Variants in KIAA1328 observed in about 807,000 individuals in gnomAD.
KIAA1328 encodes protein hinderin.
KIAA1328 carries 52 observed loss-of-function variants against 68.1 expected under a neutral mutation model. The ratio of observed to expected loss-of-function variants is 0.76; its 90% CI spans 0.61 to 0.96. KIAA1328 has a LOEUF of 0.96. Ranked by LOEUF, KIAA1328 falls within the 40% of genes least tolerant of loss-of-function variation. The pLI is 0.00. For synonymous variants in KIAA1328, 232 were observed against 239.4 expected (o/e 0.97, Z 0.28); for missense variants, 641 against 677.6 (o/e 0.95, Z 0.60).
intron 5 of KIAA1328, among the ~76,000 whole-genome samples, chr18:36,940,634 T>A (rs4799895): frequency 1 from 151,035 of 151,786 alleles, 75,147 homozygotes; most frequent in East Asian, 1. Context: ...AAGCCTATAA[T>A]AAGCTGCATT....
chr18:37,220,087 G>A (rs1422038090), intron 9 of KIAA1328, among the ~76,000 whole-genome samples: 2 of 152,198 alleles, frequency 1.3e-5, no homozygotes, highest in African/African-American at 4.8e-5. Flanking sequence ...TTCTAATAAA[G>A]TATTTCCAAA....
Position 37,067,011 on chromosome 18 carries a change from A to G in KIAA1328, c.698A>G (p.Asp233Gly). Residue 233 changes from aspartate to glycine, a missense_variant, in exon 7 of 10, where the codon GAT becomes GGT. Asp to Gly is a moderately conservative substitution (Grantham distance 94, BLOSUM62 -1). Transcript: ENST00000280020. Reference protein sequence around the residue: ...TKQRPKSAVQDSASESLIAFR... With the variant: ...TKQRPKSAVQGSASESLIAFR... ...CAAAGACCTAAGTCTGCAGTCCAGG[A>G]TTCAGCTTCAGAATCCCTTATAGCA... is the stretch of plus-strand genomic sequence containing the variant. 6.2e-7 allele frequency: 1 copy of G among 1,613,962 alleles called. No homozygotes were observed.
chr18:37,190,508 A>C (rs1239955989), intron 9 of KIAA1328, among the ~76,000 whole-genome samples: 2 of 152,166 alleles, frequency 1.3e-5, no homozygotes, highest in African/African-American at 4.8e-5. Context: ...TTCCTGGAGG[A>C]TGCTGCGCGA....
At chr18:37,143,524 T>TC (rs2058824401) in intron 7 of KIAA1328, among the ~76,000 whole-genome samples, 1 of 106,642 alleles carries the variant, frequency 9.4e-6, no homozygotes, top group Non-Finnish European at 2.4e-5. Flanking sequence ...TTTCTTTCTT[T>TC]TTTTTTTTTT....
At chr18:37,084,382 G>A in intron 7 of KIAA1328, 1 of 356,316 alleles carries the variant, frequency 2.8e-6, no homozygotes, top group Non-Finnish European at 4.9e-6. Flanking sequence ...GAAAAATATA[G>A]AAAAATATGA....
chr18:36,976,065 A>G (rs953876235), intron 6 of KIAA1328, among the ~76,000 whole-genome samples: 3 of 152,238 alleles, frequency 2.0e-5, no homozygotes, highest in South Asian at 2.1e-4. Flanking sequence ...ACTGCTCAAC[A>G]GAACTTTCTG....
At chr18:37,048,156 GA>G (rs1022675006) in intron 6 of KIAA1328, among the ~76,000 whole-genome samples, 2 of 152,158 alleles carry the variant, frequency 1.3e-5, no homozygotes, top group African/African-American at 2.4e-5. Flanking sequence ...TAAGCGAACA[GA>G]AGGAAAATAT....
chr18:37,072,660 C>T (rs2056576287), intron 7 of KIAA1328, among the ~76,000 whole-genome samples: 1 of 151,962 alleles, frequency 6.6e-6, no homozygotes, highest in South Asian at 2.1e-4. Flanking sequence ...TTAAATGTTA[C>T]TTTAAGTTCC....
intron 6 of KIAA1328, among the ~76,000 whole-genome samples, chr18:36,977,529 C>T (rs1270724122): frequency 6.6e-6 from 1 of 152,154 alleles, no homozygotes; most frequent in African/African-American, 2.4e-5. Flanking sequence ...CATGTCTACT[C>T]TTACTTGGTG....
At chr18:37,190,941 A>G (rs1483729392) in intron 9 of KIAA1328, among the ~76,000 whole-genome samples, 1 of 152,154 alleles carries the variant, frequency 6.6e-6, no homozygotes, top group Admixed American at 6.5e-5. Context: ...TGGGATAGAT[A>G]GTGAGTCTGT....
downstream of KIAA1328, chr18:37,225,451 A>G (rs1279949293): frequency 8.8e-6 from 3 of 341,976 alleles, no homozygotes; most frequent in Non-Finnish European, 1.2e-5. Flanking sequence ...AGTACTTGTT[A>G]AAACAGCAGG....
chr18:36,929,097 T>C (rs1258379643), intron 5 of KIAA1328, among the ~76,000 whole-genome samples: 1 of 152,230 alleles, frequency 6.6e-6, no homozygotes, highest in Non-Finnish European at 1.5e-5. Flanking sequence ...TGTTCATGCA[T>C]GTGCCCATCT....
At chr18:36,988,499 C>G (rs2053036885) in intron 6 of KIAA1328, among the ~76,000 whole-genome samples, 1 of 152,194 alleles carries the variant, frequency 6.6e-6, no homozygotes, top group Admixed American at 6.5e-5. Context: ...TAGTTATTTA[C>G]AAACCATTTT....
chr18:37,056,352 A>G (rs957081449), intron 6 of KIAA1328, among the ~76,000 whole-genome samples: 4 of 152,132 alleles, frequency 2.6e-5, no homozygotes, highest in Non-Finnish European at 1.5e-5. Flanking sequence ...TTTCTAACTC[A>G]GAAATTTATT....
intron 9 of KIAA1328, among the ~76,000 whole-genome samples, chr18:37,199,352 G>A (rs2060064323): frequency 6.6e-6 from 1 of 152,092 alleles, no homozygotes; most frequent in African/African-American, 2.4e-5. Flanking sequence ...GAAGAATTTA[G>A]TTTTCTGTTC....
intron 5 of KIAA1328, among the ~76,000 whole-genome samples, chr18:36,923,341 A>C (rs540117776): frequency 4.6e-5 from 7 of 152,292 alleles, no homozygotes; most frequent in African/African-American, 1.7e-4. Flanking sequence ...ACAACAGAAA[A>C]GCAATAGAGA....
chr18:36,988,257 T>C (rs1173947857), intron 6 of KIAA1328, among the ~76,000 whole-genome samples: 1 of 152,226 alleles, frequency 6.6e-6, no homozygotes, highest in Non-Finnish European at 1.5e-5. Flanking sequence ...TAAATGTTTT[T>C]AGATGAGACA....
intron 4 of KIAA1328, among the ~76,000 whole-genome samples, chr18:36,848,743 A>T (rs2047117627): frequency 1.3e-5 from 2 of 150,978 alleles, no homozygotes; most frequent in African/African-American, 2.4e-5. Context: ...TTTCTAGTTT[A>T]TTGAGAGTTT....
Position 37,222,312 on chromosome 18 carries a change from G to T in KIAA1328, c.*85G>T. 1 of 1,521,910 alleles carries T rather than the reference G, an allele frequency of 6.6e-7. No individual in the cohort carries two copies. The highest frequency in any genetic ancestry group is 2.5e-5 in the East Asian group (1 of 40,694). 94.3% of individuals were successfully genotyped at this position (1,521,910 alleles called of 1,614,324 possible). A position where few individuals can be genotyped will look rare whatever the true frequency, so the allele number is the denominator to read the frequency against. On this transcript the variant is annotated 3_prime_UTR_variant, in exon 10 of 10. Transcript: ENST00000280020. ...TAAATTATTTCATTGCAAAGTAATT[G>T]TGTCTCTCCTTTCACGGGGACTTGT...
Sources: gnomAD v4.1 joint callset for allele counts (sites outside exome capture counted in the v4.1 genomes callset) on GRCh38, gnomAD v4.1.1 for gene constraint, MANE v1.5 for transcripts, NCBI Gene and HGNC (gene_info 2026-07-23, HGNC 2026-07-21) for gene names.